POLQ: variants seen among roughly 807,000 people sequenced by gnomAD.
POLQ encodes epididymis secretory sperm binding protein.
POLQ carries 233 observed loss-of-function variants against 259.2 expected under a neutral mutation model. That is an observed-to-expected ratio of 0.90 (90% CI 0.81 to 1.00). The LOEUF is 1.00. Among genes scored for constraint, POLQ ranks in the 50% least tolerant of loss-of-function variants. The probability of loss-of-function intolerance (pLI) is 0.00; values close to 1 mark genes in which losing one functional copy is unlikely to be tolerated. For synonymous variants in POLQ, 1,025 were observed against 1,048.8 expected (o/e 0.98, Z 0.44); for missense variants, 2,871 against 3,051.6 (o/e 0.94, Z 1.39).
intron 12 of POLQ, among the ~76,000 whole-genome samples, chr3:121,502,355 C>A (rs1483261948): frequency 6.6e-6 from 1 of 152,086 alleles, no homozygotes; most frequent in Non-Finnish European, 1.5e-5. Flanking sequence ...AGGTATGCAC[C>A]ACCACACCCA....
rs114183200 is a variant in POLQ, at chr3:121,537,845, A to G, written c.632-637T>C. Among the ~76,000 whole-genome samples the G allele has an allele frequency of 3.1e-3, 467 of 152,180 alleles. 3 individuals carry two copies. Among genetic ancestry groups the G allele is most frequent in the African/African-American group, 0.01 (436 of 41,550 alleles). ...TTCTAACTTTCCCACACAGTGATAT[A>G]AGATATAATACACTATATAATACAT... On this transcript the variant is annotated intron_variant, in intron 4 of 29. Coordinates refer to ENST00000264233, the MANE Select transcript of POLQ (RefSeq NM_199420.4).
Position 121,495,176 on chromosome 3 carries a change from C to A in POLQ, c.2279-1455G>T, listed in dbSNP as rs558239374. On this transcript the variant is annotated intron_variant, in intron 14 of 29. Transcript: ENST00000264233. ...ATCCCAGTTCCTCGGGAGGCTGAGG[C>A]AGGAGAACCACTTGAACTTGGGAGG... Among the ~76,000 whole-genome samples the A allele has an allele frequency of 2.0e-5, 3 of 152,072 alleles. No homozygotes were observed. In the South Asian group the frequency reaches 6.2e-4, roughly 32 times the overall value.
Position 121,432,233 on chromosome 3 carries a change from G to C in POLQ, c.*71C>G. On this transcript the variant is annotated 3_prime_UTR_variant, in exon 30 of 30. Transcript: ENST00000264233. ...TTTGTTTTGCTGAGGTAGGTGAAAG[G>C]GTAATCTCTGTTCTTTCCAGGTGAC... The C allele has an allele frequency of 7.1e-7, 1 of 1,399,256 alleles. No individual in the cohort carries two copies. The highest frequency in any genetic ancestry group is 9.6e-7 in the Non-Finnish European group (1 of 1,041,564). The allele number at this position is 1,399,256 out of a possible 1,614,324, so 86.7% of individuals were successfully genotyped here.
chr3:121,448,837 C>CT (rs551554382), intron 26 of POLQ, among the ~76,000 whole-genome samples: 12 of 151,986 alleles, frequency 7.9e-5, no homozygotes, highest in South Asian at 6.2e-4. Context: ...AACTATATAC[C>CT]TTTTTCAGGG....
At chr3:121,496,772 G>T (rs1369645960) in intron 14 of POLQ, 36 bp downstream of exon 14, 3 of 1,579,862 alleles carry the variant, frequency 1.9e-6, no homozygotes, top group Admixed American at 2.0e-5. Flanking sequence ...TCAAATCACA[G>T]TATTAAATAA....
At chr3:121,509,954 A>G in intron 11 of POLQ, 85 bp downstream of exon 11, 1 of 1,128,814 alleles carries the variant, frequency 8.9e-7, no homozygotes, top group Non-Finnish European at 1.3e-6. Context: ...ACTACATGAA[A>G]AGACAATTTC....
chr3:121,471,777 A>C (rs1437401258), intron 22 of POLQ, among the ~76,000 whole-genome samples: 2 of 152,084 alleles, frequency 1.3e-5, no homozygotes, highest in African/African-American at 4.8e-5. Context: ...ATAAATAAAT[A>C]AATAAATAAA....
At chr3:121,543,157 C>T (rs964087971) in intron 2 of POLQ, among the ~76,000 whole-genome samples, 1 of 152,118 alleles carries the variant, frequency 6.6e-6, no homozygotes, top group Non-Finnish European at 1.5e-5. Context: ...GTAACAGACA[C>T]CAGGACTTGG....
chr3:121,530,410 G>C (rs773264603), intron 6 of POLQ, among the ~76,000 whole-genome samples: 1 of 152,104 alleles, frequency 6.6e-6, no homozygotes, highest in Non-Finnish European at 1.5e-5. Flanking sequence ...TGTATTAAAG[G>C]CATTTTCAAC....
intron 24 of POLQ, among the ~76,000 whole-genome samples, chr3:121,460,661 A>G (rs1442114953): frequency 6.6e-6 from 1 of 152,236 alleles, no homozygotes; most frequent in East Asian, 1.9e-4. Flanking sequence ...TGCTTGTTGA[A>G]TGAATTAATT....
rs2108802378 is a variant in POLQ at position 121,497,502 on chromosome 3, T to C, written c.2154-570A>G. ...CCCAGGCTGGAGTGCAGTGGCGCAA[T>C]CTTGGCTCACTGCAACCTCCATCTC... On this transcript the variant is annotated intron_variant, in intron 13 of 29. Transcript: ENST00000264233. 2.6e-5 allele frequency among the ~76,000 whole-genome samples: 4 copies of C among 152,274 alleles called. No individual in the cohort carries two copies. In the South Asian group the frequency reaches 8.3e-4, roughly 32 times the overall value.
chr3:121,476,143 T>C (rs976327204), intron 20 of POLQ, among the ~76,000 whole-genome samples: 4 of 152,118 alleles, frequency 2.6e-5, no homozygotes, highest in Non-Finnish European at 5.9e-5. Flanking sequence ...AGTTTCCTAT[T>C]CTATAGAAAG....
intron 28 of POLQ, 51 bp from the exon 29 acceptor site, chr3:121,433,084 G>C: frequency 1.0e-6 from 1 of 971,902 alleles, no homozygotes; most frequent in Non-Finnish European, 1.7e-6. Context: ...TAAGTCATAG[G>C]AGAATGTTTT....
chr3:121,449,934 A>G (rs2047660509), intron 25 of POLQ, among the ~76,000 whole-genome samples: 2 of 152,228 alleles, frequency 1.3e-5, no homozygotes. Context: ...CAACTGCAGA[A>G]TTTAATTCAC....
rs2048378211 is a variant in POLQ, at chr3:121,526,971, A to G, written c.1108+2674T>C. On this transcript the variant is annotated intron_variant, in intron 7 of 29. Transcript: ENST00000264233. ...CTGAGCTGAGCACAGTGGCACGATCATGGCTGACTGCACCCTTTACCTCCC... is the reference window on the plus strand; with the variant it reads ...CTGAGCTGAGCACAGTGGCACGATCGTGGCTGACTGCACCCTTTACCTCCC... Among the ~76,000 whole-genome samples, 3 of 151,946 alleles carry G rather than the reference A, an allele frequency of 2.0e-5. No homozygotes were observed. In the South Asian group the frequency reaches 6.2e-4, roughly 32 times the overall value.
chr3:121,501,293 T>C (rs961624127), intron 12 of POLQ, among the ~76,000 whole-genome samples: 75 of 152,020 alleles, frequency 4.9e-4, no homozygotes, highest in Non-Finnish European at 4.6e-4. Context: ...GAGAGTTATT[T>C]TTCAAAAATA....
Position 121,523,608 on chromosome 3 carries a change from G to A in POLQ, c.1109-1459C>T, listed in dbSNP as rs141497927. Among the ~76,000 whole-genome samples the A allele has an allele frequency of 9.0e-3, 1,373 of 152,100 alleles. 19 individuals are homozygous for A. Among genetic ancestry groups the A allele is most frequent in the African/African-American group, 0.031 (1,297 of 41,502 alleles). On this transcript the variant is annotated intron_variant, in intron 7 of 29. Coordinates refer to ENST00000264233, the MANE Select transcript of POLQ (RefSeq NM_199420.4). Reference sequence around the variant, plus strand: ...CATGCACCTATAGACCCAGCTACTCGGGAGGCTGAAGTGGGAGGATCACTT... The same window carrying A: ...CATGCACCTATAGACCCAGCTACTCAGGAGGCTGAAGTGGGAGGATCACTT...
chr3:121,459,369 A>ATGT (rs778778631), intron 25 of POLQ, among the ~76,000 whole-genome samples: 18 of 104,730 alleles, frequency 1.7e-4, no homozygotes, highest in African/African-American at 6.3e-4. Flanking sequence ...GACTAGAAAG[A>ATGT]TTTTTTTTTT....
chr3:121,505,733 G>A (rs2048203445), intron 12 of POLQ, among the ~76,000 whole-genome samples: 1 of 151,952 alleles, frequency 6.6e-6, no homozygotes, highest in African/African-American at 2.4e-5. Context: ...GGCAGGCCAG[G>A]CACAGTGGCT....
Sources: gnomAD v4.1 joint callset for allele counts (sites outside exome capture counted in the v4.1 genomes callset) on GRCh38, gnomAD v4.1.1 for gene constraint, MANE v1.5 for transcripts, NCBI Gene and HGNC (gene_info 2026-07-23, HGNC 2026-07-21) for gene names.